Variants in ZSWIM5 observed in about 807,000 individuals in gnomAD.
ZSWIM5 encodes the protein zinc finger SWIM-type containing 5.
In ZSWIM5, 55 loss-of-function variants were observed where a neutral mutation model predicts 119.6. The ratio of observed to expected loss-of-function variants is 0.46; its 90% CI spans 0.37 to 0.58. The LOEUF (loss-of-function observed/expected upper bound fraction) is 0.58. ZSWIM5 is among the 20% of genes least tolerant of loss of function. ZSWIM5 has a pLI of 0.00. For missense variants in ZSWIM5, 1,193 were observed against 1,512.8 expected, an observed-to-expected ratio of 0.79 and a Z score of 3.51; for synonymous variants, 537 against 606.9, an observed-to-expected ratio of 0.88 and a Z score of 1.69.
At chr1:45,200,679 C>T (rs1311933536) in intron 1 of ZSWIM5, among the ~76,000 whole-genome samples, 1 of 152,008 alleles carries the variant, frequency 6.6e-6, no homozygotes, top group Non-Finnish European at 1.5e-5. Flanking sequence ...TTTAAATAAC[C>T]ACTTATTTGT....
chr1:45,153,244 G>A (rs540561647), intron 1 of ZSWIM5, among the ~76,000 whole-genome samples: 66 of 151,852 alleles, frequency 4.3e-4, no homozygotes, highest in African/African-American at 1.3e-3. Context: ...AATAGAGGCC[G>A]GGCTCAGTGG....
At chr1:45,030,873 T>C (rs1644948924) in intron 11 of ZSWIM5, among the ~76,000 whole-genome samples, 2 of 151,324 alleles carry the variant, frequency 1.3e-5, no homozygotes, top group South Asian at 4.2e-4. Flanking sequence ...CTCAGCTCAT[T>C]GCAACCTCTG....
chr1:45,040,599 C>T (rs1645013179), intron 6 of ZSWIM5, 61 bp from the exon 7 acceptor site: 13 of 1,474,740 alleles, frequency 8.8e-6, no homozygotes, highest in African/African-American at 1.4e-5. Context: ...AAAATTTATA[C>T]CTGACAAAGA....
At chr1:45,086,293 G>A (rs1645329659) in intron 2 of ZSWIM5, among the ~76,000 whole-genome samples, 1 of 152,072 alleles carries the variant, frequency 6.6e-6, no homozygotes, top group African/African-American at 2.4e-5. Context: ...CCTCCAACAT[G>A]GGAGATTACA....
At position 45,088,117 on chromosome 1, in the gene ZSWIM5, T is replaced by C. The variant is rs755641782; in HGVS notation, c.716A>G (p.Asn239Ser). 1 of 1,614,218 alleles carries C rather than the reference T, an allele frequency of 6.2e-7. No homozygotes were observed. The highest frequency in any genetic ancestry group is 1.7e-5 in the Admixed American group (1 of 60,012). ...KITSVTCGCG[N>S]KDIFYCAHVV... Reference sequence around the variant, plus strand: ...ATGGGCACAGTAGAATATGTCCTTGTTCCCACAGCCACATGTCACTGAGGT... The same window carrying C: ...ATGGGCACAGTAGAATATGTCCTTGCTCCCACAGCCACATGTCACTGAGGT... Residue 239 changes from asparagine to serine, a missense_variant, in exon 2 of 14, where the codon AAC becomes AGC. This residue lies in a region of ZSWIM5 where 961 missense variants were observed against 1,290.0 expected (regional missense o/e 0.74). Transcript: ENST00000359600. This position sits in a 1 kb window ranked among gnomAD's most constrained non-coding sequence, Gnocchi z 4.2.
chr1:45,168,500 T>A (rs550102284), intron 1 of ZSWIM5, among the ~76,000 whole-genome samples: 72 of 144,524 alleles, frequency 5.0e-4, no homozygotes, highest in African/African-American at 1.6e-3. Flanking sequence ...TATATTTTTT[T>A]TAAAAAATAC....
chr1:45,115,541 G>A (rs1487126791), intron 1 of ZSWIM5, among the ~76,000 whole-genome samples: 1 of 149,878 alleles, frequency 6.7e-6, no homozygotes, highest in Admixed American at 6.6e-5. Context: ...TCCCAGACGG[G>A]GCGCGGGGCA....
chr1:45,127,653 G>A (rs1645629892), intron 1 of ZSWIM5, among the ~76,000 whole-genome samples: 1 of 151,746 alleles, frequency 6.6e-6, no homozygotes, highest in Admixed American at 6.6e-5. Context: ...TGCCCAGGCT[G>A]GTCTCAAACT....
intron 1 of ZSWIM5, among the ~76,000 whole-genome samples, chr1:45,144,094 A>G (rs529465113): frequency 7.0e-4 from 106 of 152,304 alleles, no homozygotes; most frequent in African/African-American, 2.5e-3. Flanking sequence ...GTTTAATGCA[A>G]TATCAGTCAA....
At chr1:45,029,068 G>A (rs1252881004) in intron 11 of ZSWIM5, among the ~76,000 whole-genome samples, 1 of 152,176 alleles carries the variant, frequency 6.6e-6, no homozygotes, top group Non-Finnish European at 1.5e-5. Context: ...CTATTGTAGT[G>A]TGTATTTCCT....
At chr1:45,032,474 G>C (rs1644958496) in intron 11 of ZSWIM5, among the ~76,000 whole-genome samples, 1 of 131,410 alleles carries the variant, frequency 7.6e-6, no homozygotes, top group Non-Finnish European at 1.6e-5. Context: ...TAAAATTCTA[G>C]TTTGACAGTT....
At chr1:45,090,160 G>T (rs184720406) in intron 1 of ZSWIM5, among the ~76,000 whole-genome samples, 1 of 152,182 alleles carries the variant, frequency 6.6e-6, no homozygotes, top group Non-Finnish European at 1.5e-5. Context: ...AAATTTACAA[G>T]TACGCTCATA....
chr1:45,032,068 A>C (rs775830830), intron 11 of ZSWIM5, among the ~76,000 whole-genome samples: 2 of 152,176 alleles, frequency 1.3e-5, no homozygotes, highest in Non-Finnish European at 2.9e-5. Context: ...GATATTTTAA[A>C]ATATCTTTTT....
intron 1 of ZSWIM5, among the ~76,000 whole-genome samples, chr1:45,197,748 A>G (rs1466032713): frequency 6.6e-6 from 1 of 152,246 alleles, no homozygotes; most frequent in African/African-American, 2.4e-5. Flanking sequence ...AACTTGCTAT[A>G]ACATATCTGG....
intron 1 of ZSWIM5, among the ~76,000 whole-genome samples, chr1:45,091,495 A>T (rs1645364125): frequency 6.7e-6 from 1 of 148,844 alleles, no homozygotes; most frequent in African/African-American, 2.5e-5. Flanking sequence ...TGTCTCTAAA[A>T]AAAAAAAAAA....
In ZSWIM5 at chr1:45,019,761, G is replaced by C. The variant is rs990626751; in HGVS notation, c.2695+305C>G. 7.9e-5 allele frequency among the ~76,000 whole-genome samples: 12 copies of C among 152,144 alleles called. No homozygotes were observed. The highest frequency in any genetic ancestry group is 4.1e-4 in the South Asian group (2 of 4,832). On this transcript the variant is annotated intron_variant, in intron 13 of 13. Transcript: ENST00000359600. This position sits in a 1 kb window ranked among gnomAD's most constrained non-coding sequence, Gnocchi z 5.0. The stretch of plus-strand genomic sequence containing the variant: ...GCACAGGGATGGGGACCAAACCACT[G>C]GGCCCACTACCTCCCAAGGGAGCAC...
At chr1:45,114,191 C>A (rs1218269069) in intron 1 of ZSWIM5, among the ~76,000 whole-genome samples, 2 of 152,130 alleles carry the variant, frequency 1.3e-5, no homozygotes, top group African/African-American at 4.8e-5. Context: ...AATAACTATC[C>A]TTCGGCATGG....
intron 1 of ZSWIM5, among the ~76,000 whole-genome samples, chr1:45,154,691 G>A (rs1391644322): frequency 6.6e-6 from 1 of 152,056 alleles, no homozygotes; most frequent in African/African-American, 2.4e-5. Context: ...AGACCAGCCT[G>A]GCCAACAATG....
At chr1:45,054,805 A>G (rs1645111596) in intron 4 of ZSWIM5, among the ~76,000 whole-genome samples, 1 of 152,148 alleles carries the variant, frequency 6.6e-6, no homozygotes, top group Non-Finnish European at 1.5e-5. Flanking sequence ...AAAAGAAAAT[A>G]GGGAATCAAG....
Sources: gnomAD v4.1 joint callset for allele counts (sites outside exome capture counted in the v4.1 genomes callset) on GRCh38, gnomAD v4.1.1 for gene constraint, gnomAD v4.1.1 regional missense constraint, Gnocchi (gnomAD v3.1) non-coding constraint, MANE v1.5 for transcripts, NCBI Gene and HGNC (gene_info 2026-07-23, HGNC 2026-07-21) for gene names.